Variants in HPSE2 observed in about 807,000 individuals in gnomAD.
HPSE2 encodes inactive heparanase-2.
A neutral mutation model predicts 60.5 loss-of-function variants in HPSE2; 38 were observed. The ratio of observed to expected loss-of-function variants is 0.63; its 90% CI spans 0.48 to 0.82. The LOEUF (loss-of-function observed/expected upper bound fraction) is 0.82, where lower values mean the gene tolerates loss of function less well. HPSE2 is among the 40% of genes least tolerant of loss of function. The pLI is 0.00. For synonymous variants in HPSE2, 295 were observed against 293.2 expected, an observed-to-expected ratio of 1.01 and a Z score of -0.06; for missense variants, 713 against 740.4, an observed-to-expected ratio of 0.96 and a Z score of 0.43.
chr10:99,129,714 T>C (rs1845304703), intron 3 of HPSE2, among the ~76,000 whole-genome samples: 1 of 149,504 alleles, frequency 6.7e-6, no homozygotes, highest in African/African-American at 2.5e-5. Flanking sequence ...TCTAAGATCA[T>C]ACTTCAAGGA....
At chr10:98,600,911 G>GTATATATGTGTGTGTGTGTATATATA (rs576143051) in intron 9 of HPSE2, among the ~76,000 whole-genome samples, 4 of 73,700 alleles carry the variant, frequency 5.4e-5, no homozygotes, top group African/African-American at 1.1e-4. Flanking sequence ...ATGTGTGTGT[G>GTATATATGTGTGTGTGTGTATATATA]TATATATATA....
At chr10:99,289,913 G>A in the HPSE2 span, among the ~76,000 whole-genome samples, 1 of 152,086 alleles carries the variant, frequency 6.6e-6, no homozygotes, top group Non-Finnish European at 1.5e-5. Context: ...AGCAGGAGGA[G>A]GACAGGGCAG....
At chr10:98,901,177 C>G (rs1038423029) in intron 3 of HPSE2, among the ~76,000 whole-genome samples, 1 of 152,080 alleles carries the variant, frequency 6.6e-6, no homozygotes, top group Non-Finnish European at 1.5e-5. Context: ...TGACAGAAAG[C>G]AGATTAGTGA....
At chr10:99,252,633 T>G in the HPSE2 span, among the ~76,000 whole-genome samples, 2 of 152,002 alleles carry the variant, frequency 1.3e-5, no homozygotes, top group Admixed American at 6.6e-5. Context: ...TCCCAGCACT[T>G]TGGGAGGCTG....
chr10:98,933,192 T>G (rs1954689851), intron 3 of HPSE2, among the ~76,000 whole-genome samples: 1 of 141,432 alleles, frequency 7.1e-6, no homozygotes, highest in Non-Finnish European at 1.5e-5. Flanking sequence ...TCAAAGAACT[T>G]CTTGATTTCT....
intron 3 of HPSE2, among the ~76,000 whole-genome samples, chr10:98,756,758 G>A (rs1949887895): frequency 6.6e-6 from 1 of 152,086 alleles, no homozygotes; most frequent in Non-Finnish European, 1.5e-5. Flanking sequence ...ATAAAGAAGA[G>A]TTGGTACCAA....
At chr10:98,746,237 T>C (rs1457355776) in intron 3 of HPSE2, among the ~76,000 whole-genome samples, 1 of 19,732 alleles carries the variant, frequency 5.1e-5, no homozygotes, top group African/African-American at 1.2e-4. Flanking sequence ...AAAATAACAA[T>C]TAAAATTAAA....
At chr10:98,602,848 C>A (rs1183862569) in intron 9 of HPSE2, among the ~76,000 whole-genome samples, 1 of 152,104 alleles carries the variant, frequency 6.6e-6, no homozygotes, top group East Asian at 1.9e-4. Context: ...TACAACTATA[C>A]AAATTCTTAG....
intron 9 of HPSE2, among the ~76,000 whole-genome samples, chr10:98,495,988 G>A (rs1404744647): frequency 6.6e-6 from 1 of 152,024 alleles, no homozygotes; most frequent in East Asian, 1.9e-4. Context: ...ATCTAATAAT[G>A]TGGTGACTCT....
chr10:98,677,548 T>C (rs1565071900), intron 6 of HPSE2, among the ~76,000 whole-genome samples: 1 of 152,190 alleles, frequency 6.6e-6, no homozygotes, highest in Non-Finnish European at 1.5e-5. Context: ...TTACCTTATT[T>C]AGTCTTCATG....
the HPSE2 span, among the ~76,000 whole-genome samples, chr10:99,297,921 T>C: frequency 1.1e-4 from 16 of 152,176 alleles, no homozygotes; most frequent in Admixed American, 1.0e-3. Context: ...CGAATGTTGG[T>C]CTTGCCTTTT....
At chr10:99,103,029 C>T (rs1165703356) in intron 3 of HPSE2, among the ~76,000 whole-genome samples, 1 of 152,264 alleles carries the variant, frequency 6.6e-6, no homozygotes, top group East Asian at 1.9e-4. Flanking sequence ...CAATATCATA[C>T]TGAATGGGCA....
At chr10:98,513,802 A>G (rs1215931272) in intron 9 of HPSE2, among the ~76,000 whole-genome samples, 5 of 152,218 alleles carry the variant, frequency 3.3e-5, no homozygotes, top group East Asian at 1.9e-4. Context: ...TTTAGTATCA[A>G]TAATGAATTG....
chr10:99,010,380 C>T (rs545629935), intron 3 of HPSE2, among the ~76,000 whole-genome samples: 222 of 152,250 alleles, frequency 1.5e-3, no homozygotes, highest in Middle Eastern at 6.8e-3. Context: ...GATATACTTT[C>T]CTGAGCTTGG....
chr10:98,939,556 A>G lies in HPSE2; in HGVS notation c.611-195500T>C, dbSNP rs925315642. The stretch of plus-strand genomic sequence containing the variant: ...ACTATCCTAAATATATATGCACCCA[A>G]TACAGGAGCACCCAGATTCATGAAG... On this transcript the variant is annotated intron_variant, in intron 3 of 11. Coordinates refer to ENST00000370552, the MANE Select transcript of HPSE2 (RefSeq NM_021828.5). 4.2e-5 allele frequency among the ~76,000 whole-genome samples: 6 copies of G among 143,798 alleles called. 2 individuals are homozygous for G. The highest frequency in any genetic ancestry group is 1.7e-4 in the African/African-American group (6 of 35,198). The allele number at this position is 143,798 out of a possible 152,430, so 94.3% of individuals were successfully genotyped here. A position where few individuals can be genotyped will look rare whatever the true frequency, so the allele number is the denominator to read the frequency against.
chr10:99,138,093 C>A (rs966591239), intron 3 of HPSE2, among the ~76,000 whole-genome samples: 50 of 152,172 alleles, frequency 3.3e-4, no homozygotes, highest in African/African-American at 1.2e-3. Context: ...TATGAACAGA[C>A]ACTTCTCAAA....
At chr10:98,510,268 C>T (rs1402856725) in intron 9 of HPSE2, among the ~76,000 whole-genome samples, 2 of 152,166 alleles carry the variant, frequency 1.3e-5, no homozygotes, top group African/African-American at 4.8e-5. Context: ...AAGGCCAAGC[C>T]CCAGCTCTCT....
At chr10:98,678,464 G>T (rs909051959) in intron 6 of HPSE2, among the ~76,000 whole-genome samples, 1 of 152,124 alleles carries the variant, frequency 6.6e-6, no homozygotes. Flanking sequence ...CTGAAAATCT[G>T]CATTTCTCAC....
intron 9 of HPSE2, among the ~76,000 whole-genome samples, chr10:98,592,654 T>G (rs1945122076): frequency 1.3e-5 from 2 of 152,190 alleles, no homozygotes. Flanking sequence ...TAAACATGTG[T>G]TTTCTGGGGG....
Sources: allele counts gnomAD v4.1 joint callset (sites outside exome capture counted in the v4.1 genomes callset), GRCh38; gene constraint gnomAD v4.1.1; transcripts MANE v1.5; gene names NCBI Gene and HGNC (gene_info 2026-07-23, HGNC 2026-07-21).